The following PTGER4 variants were observed in gnomAD, a reference collection of about 807,000 sequenced individuals.
The protein encoded by PTGER4 is prostaglandin E2 receptor EP4 subtype.
A neutral mutation model predicts 33.2 loss-of-function variants in PTGER4; 11 were observed. The ratio of observed to expected loss-of-function variants is 0.33; its 90% CI spans 0.21 to 0.55. The LOEUF is 0.55. Among genes scored for constraint, PTGER4 ranks in the 20% least tolerant of loss-of-function variants. The pLI, the probability that PTGER4 is intolerant of heterozygous loss-of-function variation, is 0.92. For synonymous variants in PTGER4, 275 were observed against 281.5 expected, an observed-to-expected ratio of 0.98 and a Z score of 0.23; for missense variants, 481 against 650.2, an observed-to-expected ratio of 0.74 and a Z score of 2.83.
chr5:40,694,864 A>C (rs7730368), downstream of PTGER4, among the ~76,000 whole-genome samples: 45,338 of 152,124 alleles, frequency 0.3, 7,006 homozygotes, highest in East Asian at 0.56. Flanking sequence ...TTTATTTGTA[A>C]AACTTAACAG....
At chr5:40,694,262 G>T (rs543575395), downstream of PTGER4, among the ~76,000 whole-genome samples, 2 of 152,200 alleles carry the variant, frequency 1.3e-5, no homozygotes, top group South Asian at 2.1e-4. Flanking sequence ...GTTGGCCATG[G>T]TTGGTCTCAA....
chr5:40,718,328 C>A, the PTGER4 span, among the ~76,000 whole-genome samples: 2 of 152,088 alleles, frequency 1.3e-5, no homozygotes, highest in Non-Finnish European at 2.9e-5. Context: ...ATTGTTTGAA[C>A]CCCGGAGGCA....
the PTGER4 span, chr5:40,716,649 G>A: frequency 6.8e-6 from 4 of 589,492 alleles, no homozygotes; most frequent in Non-Finnish European, 1.2e-5. Context: ...AAGCTACGGT[G>A]TTGCCCTAAA....
chr5:40,685,880 G>A (rs931383344), intron 2 of PTGER4, among the ~76,000 whole-genome samples: 1 of 151,686 alleles, frequency 6.6e-6, no homozygotes, highest in Non-Finnish European at 1.5e-5. Flanking sequence ...TTTTTTCTCA[G>A]CCCTGACGTG....
chr5:40,738,283 G>A, the PTGER4 span, among the ~76,000 whole-genome samples: 36 of 151,778 alleles, frequency 2.4e-4, no homozygotes, highest in Admixed American at 2.2e-3. Flanking sequence ...ATAGAGTGGT[G>A]CGCGCCTGTA....
chr5:40,726,216 A>T, the PTGER4 span, among the ~76,000 whole-genome samples: 2 of 150,440 alleles, frequency 1.3e-5, no homozygotes, highest in African/African-American at 2.4e-5. Flanking sequence ...TACATATTTT[A>T]TATATATATA....
At chr5:40,700,239 A>G in the PTGER4 span, among the ~76,000 whole-genome samples, 2 of 152,248 alleles carry the variant, frequency 1.3e-5, no homozygotes, top group Non-Finnish European at 2.9e-5. Context: ...AACATGGGTA[A>G]GACTGAGTCA....
At chr5:40,716,466 G>T in the PTGER4 span, 2 of 1,602,922 alleles carry the variant, frequency 1.2e-6, no homozygotes, top group Non-Finnish European at 1.7e-6. Context: ...TCATTGGATA[G>T]ATGTGAAGGG....
chr5:40,742,616 C>T, the PTGER4 span, among the ~76,000 whole-genome samples: 1 of 151,948 alleles, frequency 6.6e-6, no homozygotes, highest in Non-Finnish European at 1.5e-5. Context: ...GCCTTCTGTA[C>T]ACAAAACAAC....
At chr5:40,701,752 G>A in the PTGER4 span, among the ~76,000 whole-genome samples, 174 of 152,250 alleles carry the variant, frequency 1.1e-3, 2 homozygotes, top group East Asian at 0.03. Context: ...AGGTTGAAAT[G>A]AAAGAAAGAA....
chr5:40,739,089 ATATT>A, the PTGER4 span, among the ~76,000 whole-genome samples: 3 of 152,208 alleles, frequency 2.0e-5, no homozygotes, highest in African/African-American at 7.2e-5. Context: ...TCTGTATCAT[ATATT>A]ATTTTCATTG....
chr5:40,716,412 G>A, the PTGER4 span: 1 of 1,613,838 alleles, frequency 6.2e-7, no homozygotes, highest in South Asian at 1.1e-5. Context: ...GCTGCTCCTG[G>A]AGCGTTCTTG....
At chr5:40,738,107 T>C in the PTGER4 span, among the ~76,000 whole-genome samples, 6 of 152,130 alleles carry the variant, frequency 3.9e-5, no homozygotes, top group Non-Finnish European at 8.8e-5. Context: ...CAATAAAGTA[T>C]ATATTTAACT....
chr5:40,717,740 G>A, the PTGER4 span, among the ~76,000 whole-genome samples: 3,708 of 152,302 alleles, frequency 0.024, 52 homozygotes, highest in East Asian at 0.064. Flanking sequence ...CTGGATAGAA[G>A]ATTCTCATGC....
At chr5:40,698,867 C>T in the PTGER4 span, among the ~76,000 whole-genome samples, 4 of 152,064 alleles carry the variant, frequency 2.6e-5, no homozygotes, top group Non-Finnish European at 2.9e-5. Context: ...AAAGTTTTCT[C>T]GTACCAAAAG....
the PTGER4 span, chr5:40,730,382 T>C: frequency 6.4e-7 from 1 of 1,551,794 alleles, no homozygotes; most frequent in South Asian, 1.2e-5. Context: ...ATATTTTCAA[T>C]ATGCTTTTTT....
At chr5:40,706,261 G>C in the PTGER4 span, among the ~76,000 whole-genome samples, 1 of 152,130 alleles carries the variant, frequency 6.6e-6, no homozygotes, top group African/African-American at 2.4e-5. Flanking sequence ...TCACTTATAA[G>C]TGGGAGCTAA....
In PTGER4 at chr5:40,691,695, A is replaced by G. The variant is rs2111813338; in HGVS notation, c.868-84A>G. 1.3e-6 allele frequency: 2 copies of G among 1,488,312 alleles called. No individual in the cohort carries two copies. Among genetic ancestry groups the G allele is most frequent in the Non-Finnish European group, 9.0e-7 (1 of 1,106,266 alleles). 92.2% of individuals were successfully genotyped at this position (1,488,312 alleles called of 1,614,324 possible). A position where few individuals can be genotyped will look rare whatever the true frequency, so the allele number is the denominator to read the frequency against. ...TTACCAGAAATGAAGGCAGCTTCCT[A>G]ATATTGATAAGGTAGACATAGCATT... On this transcript the variant is annotated intron_variant, in intron 2 of 2. Transcript: ENST00000302472. The surrounding 1 kb of genome is among the most constrained non-coding windows in gnomAD (Gnocchi z 4.2).
chr5:40,713,828 T>G, the PTGER4 span, among the ~76,000 whole-genome samples: 1 of 151,668 alleles, frequency 6.6e-6, no homozygotes, highest in African/African-American at 2.4e-5. Context: ...GATTTGTTAT[T>G]AAAATTAACA....
Sources: gnomAD v4.1 joint callset for allele counts (sites outside exome capture counted in the v4.1 genomes callset) on GRCh38, gnomAD v4.1.1 for gene constraint, Gnocchi (gnomAD v3.1) non-coding constraint, MANE v1.5 for transcripts, NCBI Gene and HGNC (gene_info 2026-07-23, HGNC 2026-07-21) for gene names.